Variants in KCNJ13 observed in about 807,000 individuals in gnomAD.
KCNJ13 encodes the protein inward rectifier potassium channel 13.
KCNJ13 carries 9 observed loss-of-function variants against 24.6 expected under a neutral mutation model. That is an observed-to-expected ratio of 0.37 (90% confidence interval 0.22 to 0.64). The LOEUF is 0.64. Ranked by LOEUF, KCNJ13 falls within the 30% of genes least tolerant of loss-of-function variation. The pLI, the probability that KCNJ13 is intolerant of heterozygous loss-of-function variation, is 0.64. For synonymous variants in KCNJ13, 148 were observed against 154.7 expected (o/e 0.96, Z 0.32); for missense variants, 337 against 443.8 (o/e 0.76, Z 2.16).
In KCNJ13 at chr2:232,768,690, C is replaced by A; in HGVS notation, c.584G>T (p.Arg195Leu). 1 of 1,606,942 alleles carries A rather than the reference C, an allele frequency of 6.2e-7. No individual in the cohort carries two copies. The highest frequency in any genetic ancestry group is 8.5e-7 in the Non-Finnish European group (1 of 1,174,470). The change falls in exon 3 of 3, where the codon CGA becomes CTA. Residue 195 changes from arginine (R) to leucine (L), a missense_variant. By Grantham distance (102) the Arg-to-Leu change is moderately radical (BLOSUM62 -2). Coordinates refer to ENST00000233826, the MANE Select transcript of KCNJ13 (RefSeq NM_002242.4). ...PNLIFQVANT[R>L]PSPLTSVRVS... ...CCGGACACTGGTTAGAGGGCTAGGTCGGGTGTTGGCCACTTGGAAGATAAG... is the reference window on the plus strand; with the variant it reads ...CCGGACACTGGTTAGAGGGCTAGGTAGGGTGTTGGCCACTTGGAAGATAAG...
At chr2:232,773,072 G>A (rs554726587) in intron 1 of KCNJ13, among the ~76,000 whole-genome samples, 2 of 152,104 alleles carry the variant, frequency 1.3e-5, no homozygotes, top group South Asian at 2.1e-4. Flanking sequence ...GTTAGATGGC[G>A]ATTTCAGTTT....
In KCNJ13 at chr2:232,771,387, A is replaced by G. The variant is rs774914865; in HGVS notation, c.-16-9T>C. Reference sequence around the variant, plus strand: ...TCTCAGGCTGTATTTCTCTAAAATCAAGAGTAAATTAGTAAGCTCTTAACT... The same window carrying G: ...TCTCAGGCTGTATTTCTCTAAAATCGAGAGTAAATTAGTAAGCTCTTAACT... On this transcript the variant is annotated splice_polypyrimidine_tract_variant and intron_variant, in intron 1 of 2. Transcript: ENST00000233826. The G allele has an allele frequency of 1.3e-6, 2 of 1,534,818 alleles. No individual in the cohort carries two copies. The highest frequency in any genetic ancestry group is 2.2e-5 in the South Asian group (2 of 89,092).
chr2:232,768,569 T>C lies in KCNJ13; in HGVS notation c.705A>G (p.Pro235=), dbSNP rs751713849. ...HLDGISSDEC[P]FFIFPLTYYH... ...AGTACGTTAGTGGAAAGATGAAGAA[T>C]GGACATTCGTCAGAACTGATGCCAT... The change falls in exon 3 of 3, where the codon CCA becomes CCG. Residue 235 remains proline, a synonymous_variant. Coordinates refer to ENST00000233826, the MANE Select transcript of KCNJ13 (RefSeq NM_002242.4). 7 of 1,614,194 alleles carry C rather than the reference T, an allele frequency of 4.3e-6. No homozygotes were observed. Among genetic ancestry groups the C allele is most frequent in the Non-Finnish European group, 8.5e-7 (1 of 1,180,030 alleles).
intron 2 of KCNJ13, among the ~76,000 whole-genome samples, chr2:232,769,842 T>C (rs2293782): frequency 0.16 from 25,014 of 152,188 alleles, 2,627 homozygotes; most frequent in Non-Finnish European, 0.22. Context: ...ATTATAGTAC[T>C]ATATGTGCCT....
intron 1 of KCNJ13, 35 bp from the exon 2 acceptor site, chr2:232,771,413 GT>G: frequency 1.5e-6 from 2 of 1,319,730 alleles, no homozygotes; most frequent in African/African-American, 1.5e-5. Flanking sequence ...GCTCTTAACT[GT>G]TTTATAGTTA....
In KCNJ13 at chr2:232,768,444, C is replaced by T. The variant is rs1699069276; in HGVS notation, c.830G>A (p.Gly277Asp). ...LVVFLSAMQE[G>D]TGEICQRRTS... ...CCTCCTTTGGCATATTTCTCCAGTG[C>T]CCTCCTGCATTGCTGAAAGGAATAC... is the stretch of plus-strand genomic sequence containing the variant. The change falls in exon 3 of 3, where the codon GGC (glycine) becomes GAC (aspartate). Residue 277 changes from glycine (G) to aspartate (D), a missense_variant. Physicochemically the swap from Gly to Asp is moderately conservative, Grantham distance 94 (BLOSUM62 -1). Coordinates refer to ENST00000233826, the MANE Select transcript of KCNJ13 (RefSeq NM_002242.4). 4 of 1,614,144 alleles carry T rather than the reference C, an allele frequency of 2.5e-6. No individual in the cohort carries two copies. The highest frequency in any genetic ancestry group is 1.1e-5 in the South Asian group (1 of 91,074).
At position 232,769,505 on chromosome 2, in the gene KCNJ13, CAAAAAAA is replaced by C. The variant is rs34912964; in HGVS notation, c.461-699_461-693del. Among the ~76,000 whole-genome samples, 483 of 66,540 alleles carry C rather than the reference CAAAAAAA, an allele frequency of 7.3e-3. 2 individuals carry two copies. Among genetic ancestry groups the C allele is most frequent in the Non-Finnish European group, 0.011 (354 of 31,240 alleles). The allele number at this position is 66,540 out of a possible 152,430, so 43.7% of individuals were successfully genotyped here. A position where few individuals can be genotyped will look rare whatever the true frequency, so the allele number is the denominator to read the frequency against. ...TGGGCAACAGAGGAAGACTCCATCT[CAAAAAAA>C]AAAAAAAAAAAAAAAGTGATATTTT... On this transcript the variant is annotated intron_variant, in intron 2 of 2. Coordinates refer to ENST00000233826, the MANE Select transcript of KCNJ13 (RefSeq NM_002242.4).
chr2:232,770,517 A>G (rs1459228868), intron 2 of KCNJ13, among the ~76,000 whole-genome samples: 1 of 152,210 alleles, frequency 6.6e-6, no homozygotes, highest in African/African-American at 2.4e-5. Flanking sequence ...GTTAGGTAAA[A>G]TGACTGTCAA....
Position 232,770,920 on chromosome 2 carries a change from A to T in KCNJ13, c.443T>A (p.Leu148Gln). The T allele has an allele frequency of 6.2e-7, 1 of 1,612,568 alleles. No homozygotes were observed. The highest frequency in any genetic ancestry group is 8.5e-7 in the Non-Finnish European group (1 of 1,178,656). The change falls in exon 2 of 3, where the codon CTA (leucine) becomes CAA (glutamine). Residue 148 changes from leucine to glutamine, a missense_variant. By Grantham distance (113) the Leu-to-Gln change is moderately radical. Transcript: ENST00000233826. ...AAAATTACCTGTGATAAAAGCCTCT[A>T]GCATGAGGCCTAGGAGCATTTGTAT... ...LAIQMLLGLMLEAFITGAFVA... is the reference protein window; with the variant it reads ...LAIQMLLGLMQEAFITGAFVA...
In KCNJ13 at chr2:232,768,804, A is replaced by T; in HGVS notation, c.470T>A (p.Val157Glu). The change falls in exon 3 of 3, where the codon GTG becomes GAG. Residue 157 changes from valine to glutamate, a missense_variant. Physicochemically the swap from Val to Glu is moderately radical, Grantham distance 121 (BLOSUM62 -2). Transcript: ENST00000233826. Reference protein sequence around the residue: ...MLEAFITGAFVAKIARPKNRA... With the variant: ...MLEAFITGAFEAKIARPKNRA... ...ATTTTTTGGCCGGGCAATCTTCGCC[A>T]CAAAAGCACCTAAATAAGAAATTAT... is the stretch of plus-strand genomic sequence containing the variant. 6.2e-7 allele frequency: 1 copy of T among 1,605,686 alleles called. No homozygotes were observed.
chr2:232,768,598 G>C lies in KCNJ13; in HGVS notation c.676C>G (p.Leu226Val). The stretch of plus-strand genomic sequence containing the variant: ...CATTCGTCAGAACTGATGCCATCAA[G>C]GTGGAAATCCACACTGGTCTGGTAG... ...KLYQTSVDFH[L>V]DGISSDECPF... Residue 226 changes from leucine to valine, a missense_variant, in exon 3 of 3, where the codon CTT becomes GTT. Physicochemically the swap from Leu to Val is conservative, Grantham distance 32. Coordinates refer to ENST00000233826, the MANE Select transcript of KCNJ13 (RefSeq NM_002242.4). 6.2e-7 allele frequency: 1 copy of C among 1,614,134 alleles called. No homozygotes were observed. Among genetic ancestry groups the C allele is most frequent in the Non-Finnish European group, 8.5e-7 (1 of 1,180,010 alleles).
rs1447338833 is a variant in KCNJ13, at chr2:232,766,973, C to G, written c.*1218G>C. On this transcript the variant is annotated 3_prime_UTR_variant, in exon 3 of 3. Coordinates refer to ENST00000233826, the MANE Select transcript of KCNJ13 (RefSeq NM_002242.4). ...TTGTTTTGTTTTAAGGACAGTTTCT[C>G]TTTTTTTTATTGAAATGAAAATCAT... The G allele has an allele frequency of 6.6e-6, 1 of 151,760 alleles. No homozygotes were observed. The highest frequency in any genetic ancestry group is 1.5e-5 in the Non-Finnish European group (1 of 67,908). 9.4% of individuals were successfully genotyped at this position (151,760 alleles called of 1,614,324 possible).
At position 232,771,387 on chromosome 2, in the gene KCNJ13, A is replaced by T; in HGVS notation, c.-16-9T>A. On this transcript the variant is annotated splice_polypyrimidine_tract_variant and intron_variant, in intron 1 of 2. Transcript: ENST00000233826. ...TCTCAGGCTGTATTTCTCTAAAATC[A>T]AGAGTAAATTAGTAAGCTCTTAACT... 1 of 1,534,818 alleles carries T rather than the reference A, an allele frequency of 6.5e-7. No homozygotes were observed. Among genetic ancestry groups the T allele is most frequent in the Non-Finnish European group, 9.0e-7 (1 of 1,109,480 alleles).
In KCNJ13 at chr2:232,767,330, T is replaced by C. The variant is rs570809776; in HGVS notation, c.*861A>G. The C allele has an allele frequency of 6.6e-6, 1 of 152,340 alleles. No homozygotes were observed. The highest frequency in any genetic ancestry group is 6.5e-5 in the Admixed American group (1 of 15,294). The allele number at this position is 152,340 out of a possible 1,614,324, so 9.4% of individuals were successfully genotyped here. The stretch of plus-strand genomic sequence containing the variant: ...AGACTTAAATATATTTTTGTATTTA[T>C]GAATTAGAGCCATCATGATGTTTTA... On this transcript the variant is annotated 3_prime_UTR_variant, in exon 3 of 3. Coordinates refer to ENST00000233826, the MANE Select transcript of KCNJ13 (RefSeq NM_002242.4).
At position 232,773,830 on chromosome 2, in the gene KCNJ13, G is replaced by T. The variant is rs1040337513; in HGVS notation, c.-16-2452C>A. ...AAACGTGTCTGGCTCCCAGCACTTC[G>T]GGAGGCCGAGACAGGAGGATTGCTT... On this transcript the variant is annotated intron_variant, in intron 1 of 2. Transcript: ENST00000233826. Among the ~76,000 whole-genome samples the T allele has an allele frequency of 2.0e-5, 3 of 151,230 alleles. No individual in the cohort carries two copies. In the South Asian group the frequency reaches 6.3e-4, roughly 32 times the overall value.
chr2:232,767,933 C>G lies in KCNJ13; in HGVS notation c.*258G>C. Reference sequence around the variant, plus strand: ...GTATCATACCACATTCTTATAAATTCACCAGCAACATTTCTGTATAAGTGT... The same window carrying G: ...GTATCATACCACATTCTTATAAATTGACCAGCAACATTTCTGTATAAGTGT... On this transcript the variant is annotated 3_prime_UTR_variant, in exon 3 of 3. Coordinates refer to ENST00000233826, the MANE Select transcript of KCNJ13 (RefSeq NM_002242.4). 2.2e-6 allele frequency: 1 copy of G among 460,912 alleles called. No homozygotes were observed. The highest frequency in any genetic ancestry group is 3.9e-6 in the Non-Finnish European group (1 of 253,288). 28.6% of individuals were successfully genotyped at this position (460,912 alleles called of 1,614,324 possible). A position where few individuals can be genotyped will look rare whatever the true frequency, so the allele number is the denominator to read the frequency against.
intron 1 of KCNJ13, 77 bp downstream of exon 1, chr2:232,776,368 C>T (rs1365178869): frequency 9.7e-7 from 1 of 1,029,568 alleles, no homozygotes. Context: ...TAATCTAGCT[C>T]TGTTGCTATT....
chr2:232,773,312 T>C (rs1459174947), intron 1 of KCNJ13, among the ~76,000 whole-genome samples: 1 of 152,198 alleles, frequency 6.6e-6, no homozygotes, highest in Non-Finnish European at 1.5e-5. Flanking sequence ...TACTGTATTA[T>C]CTCTTAATTC....
At position 232,766,474 on chromosome 2, in the gene KCNJ13, A is replaced by G. The variant is rs1030814451; in HGVS notation, c.*1717T>C. 3.9e-5 allele frequency: 6 copies of G among 152,722 alleles called. No individual in the cohort carries two copies. The highest frequency in any genetic ancestry group is 1.2e-4 in the African/African-American group (5 of 41,446). 9.5% of individuals were successfully genotyped at this position (152,722 alleles called of 1,614,324 possible). ...AAAAAACATACCATGTAAGTCTTCAATACTACTTTATTTTCAAAGGTTAGG... is the reference window on the plus strand; with the variant it reads ...AAAAAACATACCATGTAAGTCTTCAGTACTACTTTATTTTCAAAGGTTAGG... On this transcript the variant is annotated 3_prime_UTR_variant, in exon 3 of 3. Coordinates refer to ENST00000233826, the MANE Select transcript of KCNJ13 (RefSeq NM_002242.4).
Sources: gnomAD v4.1 joint callset for allele counts (sites outside exome capture counted in the v4.1 genomes callset) on GRCh38, gnomAD v4.1.1 for gene constraint, MANE v1.5 for transcripts, NCBI Gene and HGNC (gene_info 2026-07-23, HGNC 2026-07-21) for gene names.